SENP6: variants seen among roughly 807,000 people sequenced by gnomAD.
The protein encoded by SENP6 is sentrin-specific protease 6.
SENP6 carries 41 observed loss-of-function variants against 134.5 expected under a neutral mutation model. The observed-to-expected ratio is 0.30, with a 90% CI of 0.24 to 0.40. SENP6 has a LOEUF of 0.40. SENP6 is among the 10% of genes least tolerant of loss of function. The probability of loss-of-function intolerance (pLI) is 1.00; values close to 1 mark genes in which losing one functional copy is unlikely to be tolerated. For missense variants in SENP6, 1,248 were observed against 1,312.5 expected, an observed-to-expected ratio of 0.95 and a Z score of 0.76; for synonymous variants, 395 against 429.8, an observed-to-expected ratio of 0.92 and a Z score of 1.00.
chr6:75,711,463 GCTCATAAAAC>G lies in SENP6; in HGVS notation c.2909+48_2909+57del, dbSNP rs770146880. 5 of 1,275,040 alleles carry G rather than the reference GCTCATAAAAC, an allele frequency of 3.9e-6. No homozygotes were observed. In the African/African-American group the frequency reaches 7.5e-5, roughly 19 times the overall value. The allele number at this position is 1,275,040 out of a possible 1,614,324, so 79.0% of individuals were successfully genotyped here. A position where few individuals can be genotyped will look rare whatever the true frequency, so the allele number is the denominator to read the frequency against. On this transcript the variant is annotated intron_variant, in intron 21 of 23. Transcript: ENST00000447266. The stretch of plus-strand genomic sequence containing the variant: ...TGAAAACTACATAATTTTTAAGTAT[GCTCATAAAAC>G]ATAACAGGACAGTTTTTTTTTTAAA...
rs554669911 is a variant in SENP6 at position 75,639,031 on chromosome 6, A to G, written c.459-1653A>G. The stretch of plus-strand genomic sequence containing the variant: ...GTGCCACTGCACTCCAGCCTGGGTG[A>G]CAGAGCCAGACCCTGTCATCTCAAA... On this transcript the variant is annotated intron_variant, in intron 5 of 23. Transcript: ENST00000447266. 1.2e-4 allele frequency among the ~76,000 whole-genome samples: 19 copies of G among 152,260 alleles called. 1 individual carries two copies. The South Asian group carries it at 3.3e-3, about 27-fold the overall frequency.
In SENP6 at chr6:75,678,916, C is replaced by A; in HGVS notation, c.2064C>A (p.Asp688Glu). The A allele has an allele frequency of 6.9e-7, 1 of 1,443,512 alleles. No individual in the cohort carries two copies. The highest frequency in any genetic ancestry group is 9.7e-7 in the Non-Finnish European group (1 of 1,033,142). 89.4% of individuals were successfully genotyped at this position (1,443,512 alleles called of 1,614,324 possible). A position where few individuals can be genotyped will look rare whatever the true frequency, so the allele number is the denominator to read the frequency against. ...EGEFLNDVII[D>E]FYLKYLVLEK... ...AATTTTTAAATGATGTTATTATAGA[C>A]TTTTATTTGAAGTAAGTTAATTTTC... The change falls in exon 16 of 24, where the codon GAC becomes GAA. Residue 688 changes from aspartate (D) to glutamate (E), a missense_variant. Physicochemically the swap from Asp to Glu is conservative, Grantham distance 45. Coordinates refer to ENST00000447266, the MANE Select transcript of SENP6 (RefSeq NM_015571.4).
At chr6:75,634,862 T>C (rs1769385852) in intron 5 of SENP6, 51 bp downstream of exon 5, 1 of 1,223,138 alleles carries the variant, frequency 8.2e-7, no homozygotes, top group African/African-American at 1.5e-5. Flanking sequence ...TCTTCTTCAA[T>C]AGGTTTTCAC....
intron 2 of SENP6, chr6:75,622,909 C>A (rs1768384970): frequency 2.4e-6 from 2 of 816,850 alleles, no homozygotes; most frequent in Non-Finnish European, 3.4e-6. Context: ...TCTTTCATTT[C>A]TTTTATACTT....
chr6:75,608,373 A>T (rs1217003469), intron 1 of SENP6, among the ~76,000 whole-genome samples: 1 of 151,908 alleles, frequency 6.6e-6, no homozygotes, highest in Non-Finnish European at 1.5e-5. Context: ...AGGTGGGAGG[A>T]TTGCTTGTTG....
At chr6:75,665,285 CAAAAA>C (rs35079953) in intron 9 of SENP6, among the ~76,000 whole-genome samples, 2 of 89,852 alleles carry the variant, frequency 2.2e-5, no homozygotes, top group Non-Finnish European at 2.4e-5. Context: ...GACTCCGTCT[CAAAAA>C]AAAAAAAAAA....
chr6:75,675,301 G>A lies in SENP6; in HGVS notation c.1393-134G>A, dbSNP rs1440586451. On this transcript the variant is annotated intron_variant, in intron 11 of 23. Coordinates refer to ENST00000447266, the MANE Select transcript of SENP6 (RefSeq NM_015571.4). Reference sequence around the variant, plus strand: ...GCAATGTTTAGGTGTTCATTATAATGTTATACCAACTTCTCTGTGGGATTT... The same window carrying A: ...GCAATGTTTAGGTGTTCATTATAATATTATACCAACTTCTCTGTGGGATTT... 3 of 546,420 alleles carry A rather than the reference G, an allele frequency of 5.5e-6. No homozygotes were observed. The East Asian group carries it at 1.0e-4, about 19-fold the overall frequency. 33.8% of individuals were successfully genotyped at this position (546,420 alleles called of 1,614,324 possible). A position where few individuals can be genotyped will look rare whatever the true frequency, so the allele number is the denominator to read the frequency against.
chr6:75,696,038 A>C (rs1774637845), intron 17 of SENP6, 115 bp downstream of exon 17: 4 of 938,682 alleles, frequency 4.3e-6, no homozygotes, highest in South Asian at 2.3e-5. Flanking sequence ...CTTACTTTTT[A>C]AATTCTCCAG....
chr6:75,612,617 G>C (rs925072090), intron 1 of SENP6, among the ~76,000 whole-genome samples: 1 of 152,130 alleles, frequency 6.6e-6, no homozygotes, highest in African/African-American at 2.4e-5. Flanking sequence ...GGTGTGAGCT[G>C]TCTGATAACC....
rs1023547579 is a variant in SENP6 at position 75,631,426 on chromosome 6, T to C, written c.208-2155T>C. On this transcript the variant is annotated intron_variant, in intron 3 of 23. Coordinates refer to ENST00000447266, the MANE Select transcript of SENP6 (RefSeq NM_015571.4). ...TTTTGTTCTTGTGGAACTTAAATTC[T>C]AATAACTTGCTATGCTTATTAGTTA... Among the ~76,000 whole-genome samples the C allele has an allele frequency of 5.9e-5, 9 of 152,240 alleles. 1 individual carries two copies. The highest frequency in any genetic ancestry group is 2.2e-4 in the African/African-American group (9 of 41,474).
At chr6:75,686,836 C>G (rs1163197337) in intron 16 of SENP6, among the ~76,000 whole-genome samples, 2 of 152,136 alleles carry the variant, frequency 1.3e-5, no homozygotes, top group Admixed American at 1.3e-4. Flanking sequence ...ACACTTTTTC[C>G]TTCATTTCAA....
chr6:75,608,209 A>G (rs1767170280), intron 1 of SENP6, among the ~76,000 whole-genome samples: 1 of 152,138 alleles, frequency 6.6e-6, no homozygotes, highest in Admixed American at 6.6e-5. Flanking sequence ...TTATCCTGAG[A>G]TAACACTTCG....
intron 10 of SENP6, 121 bp from the exon 11 acceptor site, chr6:75,670,432 G>A (rs957544182): frequency 4.8e-6 from 3 of 622,398 alleles, no homozygotes; most frequent in South Asian, 2.7e-5. Context: ...ACTGTTGAAG[G>A]GAAATCCATT....
chr6:75,696,323 C>T (rs558426945), intron 17 of SENP6, among the ~76,000 whole-genome samples: 3 of 152,052 alleles, frequency 2.0e-5, no homozygotes, highest in Admixed American at 1.3e-4. Flanking sequence ...TTTAAAATTA[C>T]TTAGATACTT....
chr6:75,656,724 C>T (rs1014154556), intron 7 of SENP6, among the ~76,000 whole-genome samples: 1 of 152,118 alleles, frequency 6.6e-6, no homozygotes, highest in Non-Finnish European at 1.5e-5. Context: ...ACCATTTCTC[C>T]TCATGACATT....
intron 16 of SENP6, among the ~76,000 whole-genome samples, chr6:75,692,966 G>A (rs1184880940): frequency 6.6e-6 from 1 of 152,206 alleles, no homozygotes; most frequent in Non-Finnish European, 1.5e-5. Flanking sequence ...AGCTACTCTG[G>A]AGGAAGAGGT....
chr6:75,623,881 C>T lies in SENP6; in HGVS notation c.147-19C>T. The T allele has an allele frequency of 6.3e-7, 1 of 1,581,400 alleles. No homozygotes were observed. Among genetic ancestry groups the T allele is most frequent in the South Asian group, 1.2e-5 (1 of 85,560 alleles). Reference sequence around the variant, plus strand: ...TTGTGATTGCTACTTATGTTTTTTTCCCCTTATTTTCTGTGTAGTGGGACA... The same window carrying T: ...TTGTGATTGCTACTTATGTTTTTTTTCCCTTATTTTCTGTGTAGTGGGACA... On this transcript the variant is annotated intron_variant, in intron 2 of 23. Transcript: ENST00000447266.
chr6:75,698,115 A>T (rs552640766), intron 18 of SENP6: 9 of 152,400 alleles, frequency 5.9e-5, no homozygotes, highest in Admixed American at 3.3e-4. Flanking sequence ...CCAGAAATAC[A>T]CTTGTAGTCG....
intron 5 of SENP6, among the ~76,000 whole-genome samples, chr6:75,636,727 G>C (rs1449316256): frequency 6.6e-6 from 1 of 152,182 alleles, no homozygotes; most frequent in Non-Finnish European, 1.5e-5. Context: ...ACTGCATGCA[G>C]TAGGAATCAC....
Sources: allele counts gnomAD v4.1 joint callset (sites outside exome capture counted in the v4.1 genomes callset), GRCh38; gene constraint gnomAD v4.1.1; transcripts MANE v1.5; gene names NCBI Gene and HGNC (gene_info 2026-07-23, HGNC 2026-07-21).